The following FBXL17 variants were observed in gnomAD, a reference collection of about 807,000 sequenced individuals.
The protein encoded by FBXL17 is F-box/LRR-repeat protein 17.
Under a neutral mutation model 66.2 loss-of-function variants are expected in FBXL17, and 22 were observed. The ratio of observed to expected loss-of-function variants is 0.33; its 90% CI spans 0.24 to 0.47. The LOEUF (loss-of-function observed/expected upper bound fraction) is 0.47, where lower values mean the gene tolerates loss of function less well. Among genes scored for constraint, FBXL17 ranks in the 20% least tolerant of loss-of-function variants. FBXL17 has a pLI of 1.00. For missense variants in FBXL17, 878 were observed against 948.2 expected (o/e 0.93, Z 0.97); for synonymous variants, 474 against 400.5 (o/e 1.18, Z -2.19).
chr5:108,008,970 A>G (rs1038849844), intron 7 of FBXL17, among the ~76,000 whole-genome samples: 1 of 151,756 alleles, frequency 6.6e-6, no homozygotes, highest in African/African-American at 2.4e-5. Flanking sequence ...TCCTAGAGCC[A>G]TATGTGAGGA....
At chr5:107,941,490 C>T (rs542388876) in intron 7 of FBXL17, among the ~76,000 whole-genome samples, 3 of 152,276 alleles carry the variant, frequency 2.0e-5, no homozygotes, top group East Asian at 3.9e-4. Flanking sequence ...TCCACAGTTT[C>T]CTCGGATGTG....
intron 7 of FBXL17, among the ~76,000 whole-genome samples, chr5:108,005,696 G>A (rs1382482639): frequency 6.6e-6 from 1 of 152,124 alleles, no homozygotes; most frequent in East Asian, 1.9e-4. Flanking sequence ...CATCTGTCTG[G>A]TTTGAGAGAA....
chr5:108,290,447 T>C (rs979377681), intron 4 of FBXL17, among the ~76,000 whole-genome samples: 1 of 152,316 alleles, frequency 6.6e-6, no homozygotes, highest in South Asian at 2.1e-4. Context: ...TGGTATTTGG[T>C]AAGATTAATC....
chr5:107,989,024 G>T (rs549520766), intron 7 of FBXL17, among the ~76,000 whole-genome samples: 1 of 151,928 alleles, frequency 6.6e-6, no homozygotes, highest in South Asian at 2.1e-4. Flanking sequence ...GATAATAATT[G>T]TATATATTTA....
At chr5:108,123,675 T>C (rs286808) in intron 6 of FBXL17, among the ~76,000 whole-genome samples, 76,122 of 151,894 alleles carry the variant, frequency 0.5, 20,048 homozygotes, top group East Asian at 0.76. Flanking sequence ...TGTCATCTCA[T>C]TGTCACCTTT....
chr5:108,177,621 T>C (rs1271836168), intron 6 of FBXL17, among the ~76,000 whole-genome samples: 2 of 152,050 alleles, frequency 1.3e-5, no homozygotes, highest in Non-Finnish European at 2.9e-5. Flanking sequence ...ATGGTCACTC[T>C]AGGTCTGAAG....
intron 6 of FBXL17, among the ~76,000 whole-genome samples, chr5:108,077,580 T>C (rs1465950027): frequency 1.3e-5 from 2 of 151,880 alleles, no homozygotes; most frequent in Non-Finnish European, 1.5e-5. Flanking sequence ...GGAGGATCCC[T>C]TGAGCCCAGG....
chr5:108,077,619 T>C (rs991615301), intron 6 of FBXL17, among the ~76,000 whole-genome samples: 1 of 148,960 alleles, frequency 6.7e-6, no homozygotes. Flanking sequence ...GCCATGTTCA[T>C]ACCACTGCAC....
chr5:108,019,807 A>T (rs1356135527), intron 7 of FBXL17, among the ~76,000 whole-genome samples: 2 of 151,960 alleles, frequency 1.3e-5, no homozygotes, highest in Non-Finnish European at 2.9e-5. Context: ...CAAACAACGT[A>T]AGTAAAGAAA....
intron 6 of FBXL17, among the ~76,000 whole-genome samples, chr5:108,087,714 G>A (rs1193259493): frequency 1.3e-5 from 2 of 151,596 alleles, no homozygotes; most frequent in Non-Finnish European, 2.9e-5. Context: ...GAAAAAAAAA[G>A]CAATTAAATA....
chr5:108,168,957 C>A lies in FBXL17; in HGVS notation c.1745+17160G>T, dbSNP rs1752509046. On this transcript the variant is annotated intron_variant, in intron 6 of 8. Transcript: ENST00000542267. ...GTAAAATATATGTGCATCCCATAAA[C>A]AACAGGAGTGTAGCATTGTAAAGTT... 2.0e-5 allele frequency among the ~76,000 whole-genome samples: 3 copies of A among 152,166 alleles called. No individual in the cohort carries two copies. In the South Asian group the frequency reaches 6.2e-4, roughly 31 times the overall value.
intron 7 of FBXL17, among the ~76,000 whole-genome samples, chr5:107,938,072 A>G (rs920657797): frequency 6.6e-6 from 1 of 152,164 alleles, no homozygotes; most frequent in African/African-American, 2.4e-5. Context: ...GAGCACAAAC[A>G]TCAGAATCCC....
At chr5:108,270,439 A>C (rs1308573051) in intron 4 of FBXL17, among the ~76,000 whole-genome samples, 1 of 78,788 alleles carries the variant, frequency 1.3e-5, no homozygotes, top group Non-Finnish European at 3.4e-5. Flanking sequence ...TATATTTATA[A>C]TTAAATATAA....
At chr5:108,360,578 T>C (rs900747998) in intron 3 of FBXL17, among the ~76,000 whole-genome samples, 1 of 152,126 alleles carries the variant, frequency 6.6e-6, no homozygotes, top group African/African-American at 2.4e-5. Context: ...TCTTTGACAT[T>C]ATCCTCCCTG....
Position 108,243,085 on chromosome 5 carries a change from T to G in FBXL17, c.1507-18857A>C, listed in dbSNP as rs192982832. Among the ~76,000 whole-genome samples the G allele has an allele frequency of 8.5e-5, 13 of 152,336 alleles. No homozygotes were observed. The East Asian group carries it at 2.5e-3, about 29-fold the overall frequency. The stretch of plus-strand genomic sequence containing the variant: ...TCCCTGATTTTTGTTCATTCTATCT[T>G]GCTTAGTGCTAGGCTGGATTTGGAA... On this transcript the variant is annotated intron_variant, in intron 4 of 8. Transcript: ENST00000542267.
At chr5:108,335,755 G>A (rs1347040611) in intron 4 of FBXL17, among the ~76,000 whole-genome samples, 2 of 151,980 alleles carry the variant, frequency 1.3e-5, no homozygotes, top group Non-Finnish European at 2.9e-5. Flanking sequence ...CCCTGTTTTT[G>A]ACTGTAATCT....
At chr5:108,074,318 T>A (rs1240885151) in intron 6 of FBXL17, among the ~76,000 whole-genome samples, 16 of 152,046 alleles carry the variant, frequency 1.1e-4, no homozygotes, top group African/African-American at 3.9e-4. Flanking sequence ...AGATTTTTTT[T>A]TTTTTTTTTT....
At chr5:108,137,190 T>C (rs2149982220) in intron 6 of FBXL17, among the ~76,000 whole-genome samples, 1 of 152,298 alleles carries the variant, frequency 6.6e-6, no homozygotes, top group East Asian at 1.9e-4. Flanking sequence ...GTCTTTGGCA[T>C]TTTTAAGAAG....
intron 6 of FBXL17, among the ~76,000 whole-genome samples, chr5:108,069,626 G>A (rs1356963642): frequency 6.6e-6 from 1 of 152,164 alleles, no homozygotes; most frequent in Non-Finnish European, 1.5e-5. Flanking sequence ...AACCACAGAG[G>A]TAAACTTCCT....
Sources: gnomAD v4.1 joint callset for allele counts (sites outside exome capture counted in the v4.1 genomes callset) on GRCh38, gnomAD v4.1.1 for gene constraint, MANE v1.5 for transcripts, NCBI Gene and HGNC (gene_info 2026-07-23, HGNC 2026-07-21) for gene names.